THRB: variants seen among roughly 807,000 people sequenced by gnomAD.
THRB encodes the protein thyroid hormone receptor beta.
In THRB, 12 loss-of-function variants were observed where a neutral mutation model predicts 47.8. That is an observed-to-expected ratio of 0.25 (90% CI 0.16 to 0.41). THRB has a LOEUF of 0.41. Ranked by LOEUF, THRB falls within the 10% of genes least tolerant of loss-of-function variation. The probability of loss-of-function intolerance (pLI) is 1.00; values close to 1 mark genes in which losing one functional copy is unlikely to be tolerated. For missense variants in THRB, 348 were observed against 589.2 expected (o/e 0.59, Z 4.24); for synonymous variants, 218 against 212.2 (o/e 1.03, Z -0.24).
chr3:24,390,797 A>AAAAAAAT (rs5847290), intron 1 of THRB, among the ~76,000 whole-genome samples: 16 of 137,852 alleles, frequency 1.2e-4, no homozygotes, highest in African/African-American at 4.0e-4. Flanking sequence ...AAAAAAAAAA[A>AAAAAAAT]ATATATATAT....
At chr3:24,437,037 T>C (rs754003862) in intron 1 of THRB, among the ~76,000 whole-genome samples, 1 of 151,394 alleles carries the variant, frequency 6.6e-6, no homozygotes, top group Non-Finnish European at 1.5e-5. Flanking sequence ...ACCTGGCACT[T>C]TTCTCCATTA....
chr3:24,219,722 C>T (rs767649177), intron 4 of THRB, among the ~76,000 whole-genome samples: 4 of 152,196 alleles, frequency 2.6e-5, no homozygotes, highest in African/African-American at 4.8e-5. Flanking sequence ...AAACAAAACC[C>T]TCTACATCAG....
chr3:24,225,581 C>A (rs545391256), intron 4 of THRB, among the ~76,000 whole-genome samples: 1 of 152,304 alleles, frequency 6.6e-6, no homozygotes, highest in Non-Finnish European at 1.5e-5. Context: ...TTTGCCTCTT[C>A]CAGCACAGTT....
intron 5 of THRB, among the ~76,000 whole-genome samples, chr3:24,175,142 G>A (rs1575597969): frequency 6.6e-6 from 1 of 152,192 alleles, no homozygotes; most frequent in African/African-American, 2.4e-5. Context: ...TTTAGTCCAT[G>A]AAATCCTCTT....
intron 4 of THRB, among the ~76,000 whole-genome samples, chr3:24,201,185 A>T (rs1412356362): frequency 6.6e-6 from 1 of 151,748 alleles, no homozygotes; most frequent in African/African-American, 2.4e-5. Flanking sequence ...TGTCTTTTCC[A>T]TATCTTCCTG....
intron 9 of THRB, among the ~76,000 whole-genome samples, chr3:24,132,759 A>T (rs1217218746): frequency 6.6e-6 from 1 of 152,210 alleles, no homozygotes. Flanking sequence ...ATTTGTGGGG[A>T]TATTAAGAGC....
intron 1 of THRB, among the ~76,000 whole-genome samples, chr3:24,450,525 G>A (rs1226467133): frequency 2.0e-5 from 3 of 152,140 alleles, no homozygotes; most frequent in African/African-American, 7.2e-5. Context: ...CTTTAAAAAT[G>A]TACTACCCAA....
At chr3:24,242,781 C>T (rs2049681715) in intron 3 of THRB, among the ~76,000 whole-genome samples, 2 of 152,112 alleles carry the variant, frequency 1.3e-5, no homozygotes, top group African/African-American at 4.8e-5. Context: ...TTCAGAGGCT[C>T]GTGTTTGCAT....
At chr3:24,211,757 T>C (rs1002712148) in intron 4 of THRB, among the ~76,000 whole-genome samples, 9 of 152,190 alleles carry the variant, frequency 5.9e-5, no homozygotes, top group Non-Finnish European at 5.9e-5. Context: ...TCATGAAGTC[T>C]TTATCTTGTT....
chr3:24,291,029 C>G (rs1332418419), intron 3 of THRB, among the ~76,000 whole-genome samples: 1 of 152,152 alleles, frequency 6.6e-6, no homozygotes, highest in Non-Finnish European at 1.5e-5. Flanking sequence ...GCAAAAAACA[C>G]TAATTGATCC....
chr3:24,211,370 G>A (rs2046009496), intron 4 of THRB, among the ~76,000 whole-genome samples: 1 of 152,160 alleles, frequency 6.6e-6, no homozygotes, highest in Non-Finnish European at 1.5e-5. Flanking sequence ...CCAGCAAGGG[G>A]AGAAACAGTA....
chr3:24,223,547 G>C (rs536296990), intron 4 of THRB, among the ~76,000 whole-genome samples: 1 of 152,102 alleles, frequency 6.6e-6, no homozygotes, highest in Non-Finnish European at 1.5e-5. Context: ...ATAAAAATTA[G>C]ATAGAGATGG....
intron 1 of THRB, among the ~76,000 whole-genome samples, chr3:24,436,117 C>T (rs754091691): frequency 5.3e-5 from 8 of 151,868 alleles, no homozygotes; most frequent in Non-Finnish European, 1.2e-4. Flanking sequence ...AGAAATAACA[C>T]TGGTATAACA....
intron 1 of THRB, among the ~76,000 whole-genome samples, chr3:24,483,421 C>T (rs1190711114): frequency 6.6e-6 from 1 of 151,668 alleles, no homozygotes. Flanking sequence ...AAAATGGGTT[C>T]AGTACCTCTG....
rs564926145 is a variant in THRB at position 24,395,679 on chromosome 3, C to A, written c.-260-58308G>T. 2.2e-4 allele frequency among the ~76,000 whole-genome samples: 34 copies of A among 152,166 alleles called. No individual in the cohort carries two copies. In the South Asian group the frequency reaches 6.9e-3, roughly 31 times the overall value. ...GCTGGTGAAGGGAATGCAAATGGCG[C>A]AACCACTTTGGAAAACAGTCTGGCA... On this transcript the variant is annotated intron_variant, in intron 1 of 10. Coordinates refer to ENST00000646209, the MANE Select transcript of THRB (RefSeq NM_001354712.2).
In THRB at chr3:24,399,382, G is replaced by GA. The variant is rs570946465; in HGVS notation, c.-260-62012dup. 4.4e-3 allele frequency among the ~76,000 whole-genome samples: 675 copies of GA among 152,022 alleles called. 4 individuals carry two copies. The highest frequency in any genetic ancestry group is 7.0e-3 in the Non-Finnish European group (474 of 67,964). Reference sequence around the variant, plus strand: ...TCTTTTCAACCAACAGATGAACTGGGAAAAAATGTATTACCAAAAGGCAGC... The same window carrying GA: ...TCTTTTCAACCAACAGATGAACTGGGAAAAAAATGTATTACCAAAAGGCAGC... On this transcript the variant is annotated intron_variant, in intron 1 of 10. Transcript: ENST00000646209.
chr3:24,486,532 T>C (rs985344388), intron 1 of THRB: 1 of 152,226 alleles, frequency 6.6e-6, no homozygotes, highest in Admixed American at 6.5e-5. Context: ...ACACATATTC[T>C]TAATCAATGA....
intron 7 of THRB, 129 bp downstream of exon 7, chr3:24,146,546 C>T (rs973877836): frequency 1.6e-5 from 16 of 1,009,600 alleles, no homozygotes; most frequent in African/African-American, 7.9e-5. Context: ...GGGGTGTATG[C>T]GAAAGTAAGG....
At chr3:24,261,011 G>A (rs778790257) in intron 3 of THRB, among the ~76,000 whole-genome samples, 2 of 148,916 alleles carry the variant, frequency 1.3e-5, no homozygotes, top group Non-Finnish European at 3.0e-5. Flanking sequence ...ATTCCCAAGT[G>A]ATGCCGATGC....
Sources: allele counts gnomAD v4.1 joint callset (sites outside exome capture counted in the v4.1 genomes callset), GRCh38; gene constraint gnomAD v4.1.1; transcripts MANE v1.5; gene names NCBI Gene and HGNC (gene_info 2026-07-23, HGNC 2026-07-21).